The following PSMF1 variants were observed in gnomAD, a reference collection of about 807,000 sequenced individuals.
PSMF1 encodes the protein proteasome inhibitor subunit 1.
In PSMF1, 30 loss-of-function variants were observed where a neutral mutation model predicts 29.3. The observed-to-expected ratio is 1.02, with a 90% CI of 0.77 to 1.39. The LOEUF is 1.39. Among genes scored for constraint, PSMF1 ranks in the 40% most tolerant of loss-of-function variants. The pLI is 0.00. For synonymous variants in PSMF1, 134 were observed against 139.7 expected (o/e 0.96, Z 0.29); for missense variants, 344 against 357.5 (o/e 0.96, Z 0.31).
chr20:1,143,127 A>G (rs1255771948), intron 4 of PSMF1, among the ~76,000 whole-genome samples: 1 of 152,252 alleles, frequency 6.6e-6, no homozygotes, highest in African/African-American at 2.4e-5. Context: ...TCCCAACAAG[A>G]ATTTCTGCAG....
At chr20:1,161,626 C>G in intron 4 of PSMF1, 2 of 673,608 alleles carry the variant, frequency 3.0e-6, no homozygotes, top group South Asian at 1.6e-5. Context: ...TGTCCACCTT[C>G]CAGCAGATGT....
At chr20:1,129,101 G>A (rs545044789) in intron 3 of PSMF1, among the ~76,000 whole-genome samples, 7 of 151,794 alleles carry the variant, frequency 4.6e-5, no homozygotes, top group African/African-American at 1.7e-4. Flanking sequence ...GGATGGTCTC[G>A]ATCTCCTGAC....
At chr20:1,135,036 G>C in intron 3 of PSMF1, 85 bp from the exon 4 acceptor site, 1 of 1,416,538 alleles carries the variant, frequency 7.1e-7, no homozygotes. Flanking sequence ...CAGGGCCGCC[G>C]CCGCCGCCGT....
chr20:1,166,238 A>AC lies in PSMF1; in HGVS notation c.*1159dup. ...CGGATCCTTTTCAGCCCGAGGCCTG[A>AC]CAGACGCGGGCAGTGATGAGCCCTG... On this transcript the variant is annotated 3_prime_UTR_variant, in exon 7 of 7. Coordinates refer to ENST00000335877, the MANE Select transcript of PSMF1 (RefSeq NM_006814.5). 1.9e-6 allele frequency: 3 copies of AC among 1,612,406 alleles called. No homozygotes were observed. The highest frequency in any genetic ancestry group is 2.5e-6 in the Non-Finnish European group (3 of 1,179,748).
At chr20:1,157,147 A>C (rs2086604174) in intron 4 of PSMF1, among the ~76,000 whole-genome samples, 1 of 152,122 alleles carries the variant, frequency 6.6e-6, no homozygotes, top group African/African-American at 2.4e-5. Flanking sequence ...TGTCCTTTTC[A>C]TGTTTTTCTG....
intron 4 of PSMF1, among the ~76,000 whole-genome samples, chr20:1,158,297 A>G (rs944611879): frequency 6.6e-6 from 1 of 152,376 alleles, no homozygotes; most frequent in East Asian, 1.9e-4. Flanking sequence ...CTGTTATTAC[A>G]TTCTTCCAGG....
At chr20:1,133,458 A>G (rs2086256586) in intron 3 of PSMF1, among the ~76,000 whole-genome samples, 1 of 149,804 alleles carries the variant, frequency 6.7e-6, no homozygotes, top group African/African-American at 2.4e-5. Flanking sequence ...GTCATGGCAT[A>G]TAGTTCTTTT....
chr20:1,147,730 T>C (rs1448758770), intron 4 of PSMF1, among the ~76,000 whole-genome samples: 1 of 152,196 alleles, frequency 6.6e-6, no homozygotes, highest in East Asian at 1.9e-4. Flanking sequence ...GCCAGCCCCA[T>C]TTGTCCATGA....
At chr20:1,126,475 A>G (rs1568465346) in intron 2 of PSMF1, among the ~76,000 whole-genome samples, 2 of 152,048 alleles carry the variant, frequency 1.3e-5, no homozygotes, top group African/African-American at 4.8e-5. Flanking sequence ...TAATTTCTTT[A>G]TTCCTTTCCC....
chr20:1,117,550 G>C (rs1032492403), upstream of PSMF1, among the ~76,000 whole-genome samples: 22 of 152,102 alleles, frequency 1.4e-4, 1 homozygote, highest in Admixed American at 5.9e-4. Context: ...CACCATGTTG[G>C]CCAGGCTGGT....
At chr20:1,132,995 T>C (rs2086250984) in intron 3 of PSMF1, among the ~76,000 whole-genome samples, 2 of 143,918 alleles carry the variant, frequency 1.4e-5, no homozygotes, top group South Asian at 4.4e-4. Context: ...GGTAGATTCC[T>C]TGGGAATTTC....
At chr20:1,130,679 T>G (rs2086217265) in intron 3 of PSMF1, among the ~76,000 whole-genome samples, 1 of 152,142 alleles carries the variant, frequency 6.6e-6, no homozygotes, top group Admixed American at 6.5e-5. Flanking sequence ...CCAGGCAGGC[T>G]GGAGTACAGT....
upstream of PSMF1, chr20:1,118,275 G>A (rs373572223): frequency 6.5e-6 from 1 of 153,642 alleles, no homozygotes; most frequent in Non-Finnish European, 1.5e-5. Context: ...ATGAATACAA[G>A]TAAAGCGTTT....
At chr20:1,115,222 GCC>G (rs1256826415), upstream of PSMF1, among the ~76,000 whole-genome samples, 150 of 111,468 alleles carry the variant, frequency 1.3e-3, 4 homozygotes, top group South Asian at 2.3e-3. Flanking sequence ...GGAGCTGTCT[GCC>G]CTGTAAGATG....
chr20:1,157,778 G>A (rs1371340648), intron 4 of PSMF1, among the ~76,000 whole-genome samples: 1 of 151,504 alleles, frequency 6.6e-6, no homozygotes, highest in African/African-American at 2.4e-5. Context: ...TTTCCTGGTG[G>A]AGTGACCCAA....
chr20:1,155,396 G>A (rs1453568005), intron 4 of PSMF1, among the ~76,000 whole-genome samples: 1 of 152,236 alleles, frequency 6.6e-6, no homozygotes, highest in Non-Finnish European at 1.5e-5. Context: ...GGTCTCAAGA[G>A]TATGAGACAA....
rs112288654 is a variant in PSMF1 at position 1,147,135 on chromosome 20, TATCATCATCATCATC to T, written c.551+11858_551+11872del. ...GGTCCATTATGGACATTGTTTCCGTTATCATCATCATCATCATCATCATCATCATCATCATCATCA... is the reference window on the plus strand; with the variant it reads ...GGTCCATTATGGACATTGTTTCCGTTATCATCATCATCATCATCATCATCA... On this transcript the variant is annotated intron_variant, in intron 4 of 6. Transcript: ENST00000335877. 9.2e-3 allele frequency among the ~76,000 whole-genome samples: 1,353 copies of T among 146,744 alleles called. 15 individuals are homozygous for T. Among genetic ancestry groups the T allele is most frequent in the Middle Eastern group, 0.017 (5 of 286 alleles).
chr20:1,160,958 C>T, intron 4 of PSMF1: 3 of 429,520 alleles, frequency 7.0e-6, no homozygotes, highest in Admixed American at 5.7e-5. Flanking sequence ...ATGTTTGAGA[C>T]CTTCAATACC....
chr20:1,155,575 G>A (rs2086585158), intron 4 of PSMF1, among the ~76,000 whole-genome samples: 1 of 152,192 alleles, frequency 6.6e-6, no homozygotes, highest in Non-Finnish European at 1.5e-5. Flanking sequence ...CACAGAGCGG[G>A]AGGAGCTCAG....
Sources: allele counts gnomAD v4.1 joint callset (sites outside exome capture counted in the v4.1 genomes callset), GRCh38; gene constraint gnomAD v4.1.1; transcripts MANE v1.5; gene names NCBI Gene and HGNC (gene_info 2026-07-23, HGNC 2026-07-21).